SLC35B1: variants seen among roughly 807,000 people sequenced by gnomAD.
SLC35B1 encodes ATP/ADP exchanger ER.
SLC35B1 carries 27 observed loss-of-function variants against 36.6 expected under a neutral mutation model. The ratio of observed to expected loss-of-function variants is 0.74; its 90% confidence interval spans 0.54 to 1.02. The LOEUF (loss-of-function observed/expected upper bound fraction) is 1.02, where lower values mean the gene tolerates loss of function less well. Among genes scored for constraint, SLC35B1 ranks in the 50% least tolerant of loss-of-function variants. The pLI is 0.00. For missense variants in SLC35B1, 321 were observed against 383.2 expected, an observed-to-expected ratio of 0.84 and a Z score of 1.35; for synonymous variants, 162 against 152.5, an observed-to-expected ratio of 1.06 and a Z score of -0.46.
In SLC35B1 at chr17:49,706,929, G is replaced by A. The variant is rs2073426173; in HGVS notation, c.208+36C>T. 5 of 1,469,454 alleles carry A rather than the reference G, an allele frequency of 3.4e-6. No individual in the cohort carries two copies. In the East Asian group the frequency reaches 9.0e-5, roughly 27 times the overall value. 91.0% of individuals were successfully genotyped at this position (1,469,454 alleles called of 1,614,324 possible). ...CAGCATACTGAGGGAACTTGGGGTG[G>A]TGGGGTACCCAACAAATTACTATCT... On this transcript the variant is annotated intron_variant, in intron 2 of 8. Transcript: ENST00000240333.
Position 49,703,023 on chromosome 17 carries a change from T to A in SLC35B1, c.763-12A>T. The A allele has an allele frequency of 6.2e-7, 1 of 1,613,914 alleles. No homozygotes were observed. Among genetic ancestry groups the A allele is most frequent in the African/African-American group, 1.3e-5 (1 of 74,980 alleles). ...ATAAAGATGAAGCTCTAGAGAAAGA[T>A]AAAGGTGAGGTCCGGTGGGCTTCTG... On this transcript the variant is annotated splice_polypyrimidine_tract_variant and intron_variant, in intron 7 of 8. Coordinates refer to ENST00000240333, the MANE Select transcript of SLC35B1 (RefSeq NM_005827.4).
In SLC35B1 at chr17:49,706,346, C is replaced by CAAAAAAAAAAAAAAAAAGAAAAA. The variant is rs2073417445; in HGVS notation, c.209-13_209-12insTTTTTCTTTTTTTTTTTTTTTTT. 1 of 703,146 alleles carries CAAAAAAAAAAAAAAAAAGAAAAA rather than the reference C, an allele frequency of 1.4e-6. No individual in the cohort carries two copies. The highest frequency in any genetic ancestry group is 6.1e-5 in the East Asian group (1 of 16,298). 43.6% of individuals were successfully genotyped at this position (703,146 alleles called of 1,614,324 possible). On this transcript the variant is annotated splice_polypyrimidine_tract_variant and intron_variant, in intron 2 of 8. Coordinates refer to ENST00000240333, the MANE Select transcript of SLC35B1 (RefSeq NM_005827.4). ...AAAAAACTGGATCACTGGGAGAAGA[C>CAAAAAAAAAAAAAAAAAGAAAAA]AAAAAAAAAAAAAAAAAAAGAAAAG...
intron 7 of SLC35B1, 33 bp downstream of exon 7, chr17:49,703,155 G>T: frequency 6.3e-7 from 1 of 1,588,174 alleles, no homozygotes; most frequent in South Asian, 1.1e-5. Flanking sequence ...TGCCAGAGTA[G>T]GGAAGCCAAG....
Position 49,707,001 on chromosome 17 carries a change from T to C in SLC35B1, c.172A>G (p.Ile58Val), listed in dbSNP as rs772425198. Residue 58 changes from isoleucine to valine, a missense_variant, in exon 2 of 9, where the codon ATT (isoleucine) becomes GTT (valine). Transcript: ENST00000240333. The stretch of plus-strand genomic sequence containing the variant: ...AACACAGCATTGATCACACATTGAA[T>C]GAAGACCAAAGTTAAGGCAAAGGTG... Reference protein sequence around the residue: ...TFTFALTLVFIQCVINAVFAK... With the variant: ...TFTFALTLVFVQCVINAVFAK... 6.2e-7 allele frequency: 1 copy of C among 1,614,082 alleles called. No homozygotes were observed. Among genetic ancestry groups the C allele is most frequent in the Admixed American group, 1.7e-5 (1 of 60,022 alleles).
intron 2 of SLC35B1, 42 bp from the exon 3 acceptor site, chr17:49,706,376 G>GA (rs376610823): frequency 0.18 from 90,236 of 500,694 alleles, 13 homozygotes; most frequent in East Asian, 0.21. Flanking sequence ...GAAAAGAAAA[G>GA]AAAAAAAAAA....
At chr17:49,708,194 T>A (rs770216246), upstream of SLC35B1, 19 of 614,482 alleles carry the variant, frequency 3.1e-5, no homozygotes, top group East Asian at 5.7e-5. Context: ...CCACAGGGTG[T>A]CCTAGAGCCA....
At chr17:49,703,609 C>T (rs1438473778) in intron 6 of SLC35B1, 1 of 364,034 alleles carries the variant, frequency 2.7e-6, no homozygotes, top group African/African-American at 2.1e-5. Context: ...ACATCCTTAG[C>T]TCAAGGAAGC....
At position 49,701,202 on chromosome 17, in the gene SLC35B1, T is replaced by C; in HGVS notation, c.*256A>G. 7.2e-6 allele frequency: 3 copies of C among 416,922 alleles called. No individual in the cohort carries two copies. Among genetic ancestry groups the C allele is most frequent in the Non-Finnish European group, 1.3e-5 (3 of 226,706 alleles). 25.8% of individuals were successfully genotyped at this position (416,922 alleles called of 1,614,324 possible). A position where few individuals can be genotyped will look rare whatever the true frequency, so the allele number is the denominator to read the frequency against. On this transcript the variant is annotated 3_prime_UTR_variant, in exon 9 of 9. Coordinates refer to ENST00000240333, the MANE Select transcript of SLC35B1 (RefSeq NM_005827.4). ...CCCGTGAGAGGAGCAGCCTGGGTAATGAACATCCAGCTCTGCCTCTTCCCT... is the reference window on the plus strand; with the variant it reads ...CCCGTGAGAGGAGCAGCCTGGGTAACGAACATCCAGCTCTGCCTCTTCCCT...
intron 6 of SLC35B1, 54 bp from the exon 7 acceptor site, chr17:49,703,348 G>GCACA (rs10595474): frequency 4.8e-5 from 34 of 704,446 alleles, no homozygotes; most frequent in African/African-American, 1.2e-4. Flanking sequence ...CAAAATGTGC[G>GCACA]CACACACACA....
At chr17:49,701,837 C>A in intron 8 of SLC35B1, 1 of 345,596 alleles carries the variant, frequency 2.9e-6, no homozygotes, top group Non-Finnish European at 5.7e-6. Flanking sequence ...CACCTGCAAT[C>A]CCAGCATTTT....
chr17:49,707,279 A>T (rs978623379), intron 1 of SLC35B1: 30 of 1,463,314 alleles, frequency 2.1e-5, no homozygotes, highest in Non-Finnish European at 2.7e-5. Context: ...TCCAAAGCCT[A>T]AGAAAAGAAT....
In SLC35B1 at chr17:49,707,727, C is replaced by A; in HGVS notation, c.104+3G>T. ...CTGTCGGCCCGCCCCCGGGGTCGCT[C>A]ACATCTTTTCCTGCAGGATCCCATA... is the stretch of plus-strand genomic sequence containing the variant. On this transcript the variant is annotated splice_donor_region_variant and intron_variant, in intron 1 of 8. Coordinates refer to ENST00000240333, the MANE Select transcript of SLC35B1 (RefSeq NM_005827.4). 2 of 1,611,512 alleles carry A rather than the reference C, an allele frequency of 1.2e-6. No homozygotes were observed. The highest frequency in any genetic ancestry group is 2.2e-5 in the South Asian group (2 of 90,924).
Position 49,706,344 on chromosome 17 carries a change from G to GAA in SLC35B1, c.209-11_209-10insTT. On this transcript the variant is annotated splice_polypyrimidine_tract_variant and intron_variant, in intron 2 of 8. Coordinates refer to ENST00000240333, the MANE Select transcript of SLC35B1 (RefSeq NM_005827.4). ...TCAAAAAACTGGATCACTGGGAGAA[G>GAA]ACAAAAAAAAAAAAAAAAAAAGAAA... 1.2e-5 allele frequency: 3 copies of GAA among 248,032 alleles called. No individual in the cohort carries two copies. The highest frequency in any genetic ancestry group is 4.5e-4 in the Admixed American group (1 of 2,230). 15.4% of individuals were successfully genotyped at this position (248,032 alleles called of 1,614,324 possible). A position where few individuals can be genotyped will look rare whatever the true frequency, so the allele number is the denominator to read the frequency against.
At chr17:49,701,539 C>T in intron 8 of SLC35B1, 29 bp from the exon 9 acceptor site, 1 of 1,605,016 alleles carries the variant, frequency 6.2e-7, no homozygotes, top group South Asian at 1.1e-5. Flanking sequence ...TGGGCTTAGC[C>T]TTATGGGGGG....
In SLC35B1 at chr17:49,704,116, T is replaced by C. The variant is rs760260545; in HGVS notation, c.639A>G (p.Thr213=). 1 of 1,614,176 alleles carries C rather than the reference T, an allele frequency of 6.2e-7. No homozygotes were observed. Among genetic ancestry groups the C allele is most frequent in the Non-Finnish European group, 8.5e-7 (1 of 1,180,006 alleles). The change falls in exon 6 of 9, where the codon ACA becomes ACG. Residue 213 remains threonine, a synonymous_variant. Transcript: ENST00000240333. ...GGCTCTCACCCATTCCCAGCAGCAA[T>C]GTCGACCAAAGGTTGATGTTCAGCA... is the stretch of plus-strand genomic sequence containing the variant. ...HMMLNINLWS[T]LLLGMGILFT... is the part of the protein sequence containing the mutation.
chr17:49,705,701 A>G, intron 4 of SLC35B1, 165 bp downstream of exon 4: 1 of 729,270 alleles, frequency 1.4e-6, no homozygotes, highest in East Asian at 2.5e-5. Context: ...GAACATCACA[A>G]GAAGTGACAC....
chr17:49,704,425 C>T (rs1196154660), intron 5 of SLC35B1, among the ~76,000 whole-genome samples, 199 bp from the exon 6 acceptor site: 3 of 150,862 alleles, frequency 2.0e-5, no homozygotes, highest in East Asian at 2.0e-4. Flanking sequence ...CCCCGGCCCA[C>T]GCACTGGACT....
At chr17:49,707,214 T>C (rs1016669978) in intron 1 of SLC35B1, 146 bp from the exon 2 acceptor site, 3 of 1,354,892 alleles carry the variant, frequency 2.2e-6, no homozygotes, top group Non-Finnish European at 3.0e-6. Flanking sequence ...TAGGCTCATT[T>C]GCAAAAGGGG....
In SLC35B1 at chr17:49,700,948, T is replaced by C. The variant is rs2073344959; in HGVS notation, c.*510A>G. ...CCTAAGAAAAAGACAGAACACAACT[T>C]TGTTTTTTTAATGAAATATTTGCCC... On this transcript the variant is annotated 3_prime_UTR_variant, in exon 9 of 9. Coordinates refer to ENST00000240333, the MANE Select transcript of SLC35B1 (RefSeq NM_005827.4). 1 of 153,732 alleles carries C rather than the reference T, an allele frequency of 6.5e-6. No individual in the cohort carries two copies. The highest frequency in any genetic ancestry group is 1.4e-5 in the Non-Finnish European group (1 of 69,080). The allele number at this position is 153,732 out of a possible 1,614,324, so 9.5% of individuals were successfully genotyped here. A position where few individuals can be genotyped will look rare whatever the true frequency, so the allele number is the denominator to read the frequency against.
Sources: gnomAD v4.1 joint callset for allele counts (sites outside exome capture counted in the v4.1 genomes callset) on GRCh38, gnomAD v4.1.1 for gene constraint, MANE v1.5 for transcripts, NCBI Gene and HGNC (gene_info 2026-07-23, HGNC 2026-07-21) for gene names.